The following FRZB variants were observed in gnomAD, a reference collection of about 807,000 sequenced individuals.
FRZB encodes the protein frizzled related protein, also known as secreted frizzled-related protein 3.
A neutral mutation model predicts 32.5 loss-of-function variants in FRZB; 34 were observed. The ratio of observed to expected loss-of-function variants is 1.05; its 90% CI spans 0.80 to 1.39. The LOEUF is 1.39. Ranked by LOEUF, FRZB falls within the 40% of genes most tolerant of loss-of-function variation. The pLI is 0.00. For synonymous variants in FRZB, 170 were observed against 159.2 expected (o/e 1.07, Z -0.51); for missense variants, 423 against 424.8 (o/e 1.00, Z 0.04).
chr2:182,849,181 C>A (rs1002208785), intron 2 of FRZB, among the ~76,000 whole-genome samples: 1 of 151,640 alleles, frequency 6.6e-6, no homozygotes, highest in Non-Finnish European at 1.5e-5. Context: ...GAGCTGAGAT[C>A]GCGCCACTGC....
At chr2:182,838,302 G>T in intron 4 of FRZB, 107 bp downstream of exon 4, 1 of 941,068 alleles carries the variant, frequency 1.1e-6, no homozygotes, top group Non-Finnish European at 1.6e-6. Flanking sequence ...CCCCAAGAAG[G>T]TAGACAGATC....
intron 2 of FRZB, 118 bp downstream of exon 2, chr2:182,858,668 A>G: frequency 1.5e-6 from 1 of 673,074 alleles, no homozygotes; most frequent in Non-Finnish European, 2.5e-6. Flanking sequence ...GGGAATTTTA[A>G]AAAGTTTACT....
intron 2 of FRZB, among the ~76,000 whole-genome samples, chr2:182,846,389 C>A (rs1007927207): frequency 2.0e-5 from 3 of 152,108 alleles, no homozygotes; most frequent in Admixed American, 2.0e-4. Context: ...TTTCATGTAC[C>A]ATGACTTTGG....
chr2:182,843,191 T>C (rs376446003), intron 2 of FRZB, among the ~76,000 whole-genome samples: 4 of 152,304 alleles, frequency 2.6e-5, no homozygotes, highest in East Asian at 1.9e-4. Context: ...TTTTTAACAA[T>C]ATTTGGTGAG....
chr2:182,861,840 T>C (rs1695834428), intron 1 of FRZB, among the ~76,000 whole-genome samples: 2 of 152,336 alleles, frequency 1.3e-5, no homozygotes, highest in South Asian at 2.1e-4. Context: ...AAGTAAATTA[T>C]TAAGATTTGG....
At chr2:182,845,869 CTG>C (rs1187438987) in intron 2 of FRZB, among the ~76,000 whole-genome samples, 3 of 152,184 alleles carry the variant, frequency 2.0e-5, no homozygotes, top group Non-Finnish European at 4.4e-5. Context: ...AACCTGGAGA[CTG>C]TTTATTTCAT....
chr2:182,864,526 C>A (rs913064488), intron 1 of FRZB, among the ~76,000 whole-genome samples: 27 of 152,178 alleles, frequency 1.8e-4, no homozygotes, highest in African/African-American at 5.6e-4. Context: ...TGATTTTGCA[C>A]AACTAGCTTT....
At chr2:182,856,371 TGAGAGA>T (rs904411326) in intron 2 of FRZB, among the ~76,000 whole-genome samples, 6 of 150,976 alleles carry the variant, frequency 4.0e-5, no homozygotes, top group African/African-American at 1.5e-4. Context: ...TGTGTGTGTG[TGAGAGA>T]GAGAGAGAGA....
At chr2:182,848,758 C>T (rs1361723262) in intron 2 of FRZB, among the ~76,000 whole-genome samples, 1 of 152,130 alleles carries the variant, frequency 6.6e-6, no homozygotes, top group Non-Finnish European at 1.5e-5. Context: ...TAAAATGATG[C>T]ACAGAACTCA....
At chr2:182,835,049 G>T in intron 5 of FRZB, 84 bp from the exon 6 acceptor site, 1 of 964,070 alleles carries the variant, frequency 1.0e-6, no homozygotes. Context: ...GGGTCAGACT[G>T]CAAGTTCAGA....
chr2:182,866,300 G>A lies in FRZB; in HGVS notation c.253C>T (p.Leu85Phe). ...LLGTHCSPDL[L>F]FFLCAMYAPI... ...GCGTACATGGCACAGAGGAAGAAGA[G>A]CAGATCGGGGCTGCAGTGGGTGCCC... The change falls in exon 1 of 6, where the codon CTC (leucine) becomes TTC (phenylalanine). Residue 85 changes from leucine to phenylalanine, a missense_variant. Transcript: ENST00000295113. The surrounding 1 kb of genome is among the most constrained non-coding windows in gnomAD (Gnocchi z 4.5). 1 of 1,614,264 alleles carries A rather than the reference G, an allele frequency of 6.2e-7. No individual in the cohort carries two copies. The highest frequency in any genetic ancestry group is 8.5e-7 in the Non-Finnish European group (1 of 1,180,044).
At chr2:182,842,367 A>G (rs1179580895) in intron 3 of FRZB, 111 bp downstream of exon 3, 4 of 774,376 alleles carry the variant, frequency 5.2e-6, no homozygotes, top group Non-Finnish European at 8.9e-6. Flanking sequence ...TCTGTTTTTA[A>G]GCCTTATTCT....
At chr2:182,849,696 T>C (rs191354906) in intron 2 of FRZB, among the ~76,000 whole-genome samples, 29 of 152,344 alleles carry the variant, frequency 1.9e-4, no homozygotes, top group Admixed American at 9.8e-4. Flanking sequence ...TCACAGTAAT[T>C]TGCACTTTGT....
At chr2:182,839,255 CT>C (rs1284546093) in intron 3 of FRZB, among the ~76,000 whole-genome samples, 2 of 151,898 alleles carry the variant, frequency 1.3e-5, no homozygotes, top group Non-Finnish European at 2.9e-5. Flanking sequence ...TTATATTCTC[CT>C]TTAGGTGGGC....
At position 182,866,383 on chromosome 2, in the gene FRZB, A is replaced by T. The variant is rs1695892913; in HGVS notation, c.170T>A (p.Leu57Gln). Residue 57 changes from leucine to glutamine, a missense_variant, in exon 1 of 6, where the codon CTG (leucine) becomes CAG (glutamine). Coordinates refer to ENST00000295113, the MANE Select transcript of FRZB (RefSeq NM_001463.4). The surrounding 1 kb of genome is among the most constrained non-coding windows in gnomAD (Gnocchi z 4.5). ...PWNMTKMPNH[L>Q]HHSTQANAIL... The stretch of plus-strand genomic sequence containing the variant: ...GGCGTTGGCCTGAGTGCTGTGGTGC[A>T]GGTGGTTGGGCATCTTAGTCATGTT... 1.2e-6 allele frequency: 2 copies of T among 1,612,974 alleles called. No homozygotes were observed. Among genetic ancestry groups the T allele is most frequent in the Non-Finnish European group, 1.7e-6 (2 of 1,179,224 alleles).
At chr2:182,854,326 C>T (rs1192412720) in intron 2 of FRZB, among the ~76,000 whole-genome samples, 1 of 152,156 alleles carries the variant, frequency 6.6e-6, no homozygotes, top group African/African-American at 2.4e-5. Context: ...GTTTCTCCCA[C>T]TGAAAGCAGA....
At chr2:182,835,108 G>T in intron 5 of FRZB, 143 bp from the exon 6 acceptor site, 1 of 648,506 alleles carries the variant, frequency 1.5e-6, no homozygotes, top group Non-Finnish European at 2.7e-6. Context: ...CTATTTCCCA[G>T]GGTAACAAGA....
At chr2:182,851,655 C>CA (rs1268861987) in intron 2 of FRZB, among the ~76,000 whole-genome samples, 6 of 147,534 alleles carry the variant, frequency 4.1e-5, no homozygotes, top group Admixed American at 1.4e-4. Flanking sequence ...GACTCCATCT[C>CA]AAAAAAACAA....
chr2:182,861,286 T>C (rs1362386006), intron 1 of FRZB, among the ~76,000 whole-genome samples: 1 of 152,154 alleles, frequency 6.6e-6, no homozygotes. Flanking sequence ...GAATTCTCTT[T>C]TTCTTACTAG....
Sources: allele counts gnomAD v4.1 joint callset (sites outside exome capture counted in the v4.1 genomes callset), GRCh38; gene constraint gnomAD v4.1.1; non-coding constraint Gnocchi (gnomAD v3.1); transcripts MANE v1.5; gene names NCBI Gene and HGNC (gene_info 2026-07-23, HGNC 2026-07-21).